The following FGD3 variants were observed in gnomAD, a reference collection of about 807,000 sequenced individuals.
The protein encoded by FGD3 is FYVE, RhoGEF and PH domain containing 3.
FGD3 carries 45 observed loss-of-function variants against 71.8 expected under a neutral mutation model. That is an observed-to-expected ratio of 0.63 (90% CI 0.49 to 0.80). FGD3 has a LOEUF of 0.80. FGD3 is among the 30% of genes least tolerant of loss of function. FGD3 has a pLI of 0.00. For synonymous variants in FGD3, 378 were observed against 392.8 expected, an observed-to-expected ratio of 0.96 and a Z score of 0.44; for missense variants, 844 against 951.5, an observed-to-expected ratio of 0.89 and a Z score of 1.49.
intron 3 of FGD3, among the ~76,000 whole-genome samples, chr9:92,987,620 T>C (rs1860240098): frequency 6.6e-6 from 1 of 152,084 alleles, no homozygotes; most frequent in Non-Finnish European, 1.5e-5. Flanking sequence ...TGTGCTCCGT[T>C]TATCCTTTGA....
chr9:93,035,919 G>T lies in FGD3; in HGVS notation c.*330G>T, dbSNP rs1475164716. 6.9e-6 allele frequency: 2 copies of T among 291,892 alleles called. No individual in the cohort carries two copies. The highest frequency in any genetic ancestry group is 1.3e-5 in the Non-Finnish European group (2 of 156,352). 18.1% of individuals were successfully genotyped at this position (291,892 alleles called of 1,614,324 possible). Reference sequence around the variant, plus strand: ...GGCAGAAAGAGGCAGCATGGGCACTGCCAGGGACAGCCACATCCTGCTGGT... The same window carrying T: ...GGCAGAAAGAGGCAGCATGGGCACTTCCAGGGACAGCCACATCCTGCTGGT... On this transcript the variant is annotated 3_prime_UTR_variant, in exon 18 of 18. Coordinates refer to ENST00000375482, the MANE Select transcript of FGD3 (RefSeq NM_001083536.2).
At chr9:92,953,285 C>T (rs1362301486) in intron 1 of FGD3, among the ~76,000 whole-genome samples, 1 of 152,044 alleles carries the variant, frequency 6.6e-6, no homozygotes, top group Non-Finnish European at 1.5e-5. Flanking sequence ...CATCAGGGCT[C>T]TTTGTTAAGG....
chr9:92,991,955 T>C (rs1242829580), intron 3 of FGD3, among the ~76,000 whole-genome samples: 1 of 152,234 alleles, frequency 6.6e-6, no homozygotes, highest in Non-Finnish European at 1.5e-5. Flanking sequence ...TCGTCTGATA[T>C]AAGTATAGCT....
intron 3 of FGD3, among the ~76,000 whole-genome samples, chr9:92,983,498 C>T (rs1234794198): frequency 1.3e-5 from 2 of 152,154 alleles, no homozygotes; most frequent in African/African-American, 4.8e-5. Context: ...GCACTCCAGC[C>T]TGGGCAACAG....
Position 93,035,866 on chromosome 9 carries a change from T to C in FGD3, c.*277T>C. 1 of 426,132 alleles carries C rather than the reference T, an allele frequency of 2.3e-6. No homozygotes were observed. Among genetic ancestry groups the C allele is most frequent in the East Asian group, 4.0e-5 (1 of 25,234 alleles). 26.4% of individuals were successfully genotyped at this position (426,132 alleles called of 1,614,324 possible). On this transcript the variant is annotated 3_prime_UTR_variant, in exon 18 of 18. Coordinates refer to ENST00000375482, the MANE Select transcript of FGD3 (RefSeq NM_001083536.2). ...ACTGCCAAAGTAACCATCATCCATATGGGCCGTGTGGTGATGCTGGCCCGG... is the reference window on the plus strand; with the variant it reads ...ACTGCCAAAGTAACCATCATCCATACGGGCCGTGTGGTGATGCTGGCCCGG...
chr9:93,029,386 G>A (rs1202513009), intron 14 of FGD3, among the ~76,000 whole-genome samples: 1 of 152,156 alleles, frequency 6.6e-6, no homozygotes, highest in South Asian at 2.1e-4. Context: ...CAGGCATGTG[G>A]GTGCACACCT....
At chr9:93,008,962 C>CAAA (rs34328093) in intron 6 of FGD3, among the ~76,000 whole-genome samples, 1 of 137,866 alleles carries the variant, frequency 7.3e-6, no homozygotes. Flanking sequence ...AAGACTCCAT[C>CAAA]AAAAAAAAAA....
At chr9:92,949,239 G>A (rs2118487490) in intron 1 of FGD3, among the ~76,000 whole-genome samples, 1 of 152,292 alleles carries the variant, frequency 6.6e-6, no homozygotes, top group East Asian at 1.9e-4. Flanking sequence ...AGGAAATCTG[G>A]CCTCATCCCG....
At chr9:92,971,961 T>G in intron 1 of FGD3, among the ~76,000 whole-genome samples, 1 of 10,570 alleles carries the variant, frequency 9.5e-5, no homozygotes, top group South Asian at 3.4e-3. Flanking sequence ...TCCACCCCCC[T>G]CCCCCACACC....
chr9:93,029,822 T>C (rs1440244548), intron 14 of FGD3, 52 bp from the exon 15 acceptor site: 2 of 1,586,180 alleles, frequency 1.3e-6, no homozygotes, highest in African/African-American at 2.7e-5. Context: ...CCGTGTGGGG[T>C]AGGGTGCACA....
chr9:92,957,718 G>GC lies in FGD3; in HGVS notation c.-218+9992dup, dbSNP rs1297653623. On this transcript the variant is annotated intron_variant, in intron 1 of 17. Coordinates refer to ENST00000375482, the MANE Select transcript of FGD3 (RefSeq NM_001083536.2). ...TTTTGAGACAGAGTCTCGCTCTGTT[G>GC]CCCAGGCTGGAGTGCAGCAGTAGCA... Among the ~76,000 whole-genome samples the GC allele has an allele frequency of 5.0e-5, 6 of 119,480 alleles. No homozygotes were observed. In the Admixed American group the frequency reaches 5.4e-4, roughly 11 times the overall value. The allele number at this position is 119,480 out of a possible 152,430, so 78.4% of individuals were successfully genotyped here.
At chr9:93,026,129 CA>C (rs573084625) in intron 14 of FGD3, among the ~76,000 whole-genome samples, 358 of 152,322 alleles carry the variant, frequency 2.4e-3, no homozygotes, top group African/African-American at 8.2e-3. Context: ...ATGTGCAGCT[CA>C]ATTTGCTCAA....
chr9:93,004,338 T>G (rs1334462119), intron 5 of FGD3, among the ~76,000 whole-genome samples: 1 of 152,206 alleles, frequency 6.6e-6, no homozygotes, highest in African/African-American at 2.4e-5. Flanking sequence ...TCTCCAAGGC[T>G]TAGTTCCTGA....
intron 3 of FGD3, among the ~76,000 whole-genome samples, chr9:93,001,522 T>C (rs1339717611): frequency 1.3e-5 from 2 of 152,226 alleles, no homozygotes; most frequent in Non-Finnish European, 2.9e-5. Flanking sequence ...CCTTAGACTC[T>C]CCAATGAATC....
chr9:93,035,486 A>G lies in FGD3; in HGVS notation c.2075A>G (p.Gln692Arg). The G allele has an allele frequency of 2.5e-6, 4 of 1,613,586 alleles. No individual in the cohort carries two copies. Among genetic ancestry groups the G allele is most frequent in the Non-Finnish European group, 3.4e-6 (4 of 1,180,024 alleles). ...AGCGCCTCCTCCGCAGAGCTGCAGC[A>G]GCAGTGGCTGGAAACCCTAAGCACT... is the stretch of plus-strand genomic sequence containing the variant. ...YLSASSAELQ[Q>R]QWLETLSTAA... The change falls in exon 18 of 18, where the codon CAG becomes CGG. Residue 692 changes from glutamine (Q) to arginine (R), a missense_variant. By Grantham distance (43) the Gln-to-Arg change is conservative (BLOSUM62 1). Transcript: ENST00000375482.
intron 12 of FGD3, 69 bp from the exon 13 acceptor site, chr9:93,020,248 G>A (rs1199649138): frequency 1.1e-5 from 16 of 1,430,068 alleles, no homozygotes; most frequent in Admixed American, 4.2e-5. Flanking sequence ...AGAGGCAGGC[G>A]CGTCCCTCCT....
chr9:93,013,232 C>T (rs936954158), intron 8 of FGD3, among the ~76,000 whole-genome samples: 3 of 152,238 alleles, frequency 2.0e-5, no homozygotes, highest in Admixed American at 6.5e-5. Context: ...CAAACCCAGC[C>T]GCCTCCAGGA....
At chr9:93,027,715 C>CTTTTTTTTT (rs1199094054) in intron 14 of FGD3, among the ~76,000 whole-genome samples, 158 of 101,986 alleles carry the variant, frequency 1.5e-3, no homozygotes, top group Middle Eastern at 7.7e-3. Context: ...TTCTTTCTTT[C>CTTTTTTTTT]TTTTTTTTTT....
In FGD3 at chr9:93,020,379, C is replaced by G. The variant is rs775547146; in HGVS notation, c.1449C>G (p.Gly483=). Residue 483 remains glycine (G), a synonymous_variant, in exon 13 of 18, where the codon GGC becomes GGG. Coordinates refer to ENST00000375482, the MANE Select transcript of FGD3 (RefSeq NM_001083536.2). ...QNSETFKAFG[G]AFSQDEDPSL... ...GCGAAACCTTCAAGGCTTTTGGTGG[C>G]GCCTTCAGCCAGGATGAGGACCCCA... The G allele has an allele frequency of 9.9e-6, 16 of 1,613,630 alleles. No homozygotes were observed. Among genetic ancestry groups the G allele is most frequent in the Middle Eastern group, 3.3e-4 (2 of 6,058 alleles).
Sources: allele counts gnomAD v4.1 joint callset (sites outside exome capture counted in the v4.1 genomes callset), GRCh38; gene constraint gnomAD v4.1.1; transcripts MANE v1.5; gene names NCBI Gene and HGNC (gene_info 2026-07-23, HGNC 2026-07-21).